Variants in LRRIQ1 observed in about 807,000 individuals in gnomAD.
LRRIQ1 encodes leucine rich repeats and IQ motif containing 1.
Under a neutral mutation model 211.9 loss-of-function variants are expected in LRRIQ1, and 210 were observed. That is an observed-to-expected ratio of 0.99 (90% CI 0.89 to 1.11). The LOEUF (loss-of-function observed/expected upper bound fraction) is 1.11, where lower values mean the gene tolerates loss of function less well. Ranked by LOEUF, LRRIQ1 falls within the 50% of genes most tolerant of loss-of-function variation. The probability of loss-of-function intolerance (pLI) is 0.00; values close to 1 mark genes in which losing one functional copy is unlikely to be tolerated. For synonymous variants in LRRIQ1, 699 were observed against 650.1 expected, an observed-to-expected ratio of 1.08 and a Z score of -1.14; for missense variants, 2,136 against 1,939.5, an observed-to-expected ratio of 1.10 and a Z score of -1.90.
intron 18 of LRRIQ1, among the ~76,000 whole-genome samples, chr12:85,132,610 A>G (rs140895522): frequency 0.011 from 1,740 of 152,190 alleles, 21 homozygotes; most frequent in South Asian, 0.028. Context: ...TCTATAAAAA[A>G]TACAAAAATT....
At chr12:85,113,954 C>A (rs1887380973) in intron 15 of LRRIQ1, among the ~76,000 whole-genome samples, 1 of 101,384 alleles carries the variant, frequency 9.9e-6, no homozygotes, top group Non-Finnish European at 2.0e-5. Context: ...TGTGAAAGGC[C>A]ACCTAAATGT....
At chr12:85,059,834 A>G (rs2136017300) in intron 8 of LRRIQ1, among the ~76,000 whole-genome samples, 1 of 152,080 alleles carries the variant, frequency 6.6e-6, no homozygotes, top group East Asian at 1.9e-4. Flanking sequence ...TATCCCATGT[A>G]TACATGTAAC....
chr12:85,038,348 T>G, intron 2 of LRRIQ1, 40 bp downstream of exon 2: 3 of 1,381,180 alleles, frequency 2.2e-6, no homozygotes, highest in Non-Finnish European at 2.8e-6. Flanking sequence ...AGGAGTAGGC[T>G]TTTCAGGAGA....
chr12:85,189,863 ATATT>A (rs1022955311), intron 24 of LRRIQ1, among the ~76,000 whole-genome samples: 3 of 144,822 alleles, frequency 2.1e-5, no homozygotes, highest in Non-Finnish European at 4.5e-5. Flanking sequence ...TATAATTTAT[ATATT>A]TATATAAGAT....
In LRRIQ1 at chr12:85,160,670, A is replaced by T. The variant is rs766067329; in HGVS notation, c.4778A>T (p.Lys1593Ile). 1.9e-6 allele frequency: 3 copies of T among 1,611,368 alleles called. No homozygotes were observed. The Admixed American group carries it at 5.0e-5, about 27-fold the overall frequency. ...AATGAAAATAAAGTGTCTCTTCCAA[A>T]ATCACCAAAGATGGTACAGCCCAGA... is the stretch of plus-strand genomic sequence containing the variant. ...KNNENKVSLP[K>I]SPKMVQPRRD... The change falls in exon 24 of 27, where the codon AAA becomes ATA. Residue 1593 changes from lysine (K) to isoleucine (I), a missense_variant. By Grantham distance (102) the Lys-to-Ile change is moderately radical (BLOSUM62 -3). Coordinates refer to ENST00000393217, the MANE Select transcript of LRRIQ1 (RefSeq NM_001079910.2).
intron 24 of LRRIQ1, among the ~76,000 whole-genome samples, chr12:85,183,008 G>A (rs1325632851): frequency 2.0e-5 from 3 of 152,124 alleles, no homozygotes; most frequent in African/African-American, 7.2e-5. Context: ...TCCAGTGCAC[G>A]CACTCCAGCT....
intron 15 of LRRIQ1, among the ~76,000 whole-genome samples, chr12:85,117,097 A>G (rs1887638320): frequency 6.6e-6 from 1 of 152,186 alleles, no homozygotes; most frequent in African/African-American, 2.4e-5. Context: ...TCATTTCGGA[A>G]ACACTGCCCT....
chr12:85,251,796 A>T (rs778519252), intron 1 of LRRIQ1, among the ~76,000 whole-genome samples: 4 of 149,986 alleles, frequency 2.7e-5, no homozygotes, highest in Non-Finnish European at 5.9e-5. Context: ...AAAAACAGAT[A>T]TAGAGGAGAT....
chr12:85,187,794 A>G (rs553657868), intron 24 of LRRIQ1, among the ~76,000 whole-genome samples: 1 of 149,418 alleles, frequency 6.7e-6, no homozygotes, highest in East Asian at 2.0e-4. Flanking sequence ...GGGCAACAAG[A>G]GCAAAACTTC....
In LRRIQ1 at chr12:85,254,015, G is replaced by A. The variant is rs193103259; in HGVS notation, c.122-8900G>A. 5.4e-3 allele frequency among the ~76,000 whole-genome samples: 823 copies of A among 152,106 alleles called. 30 individuals carry two copies. The highest frequency in any genetic ancestry group is 0.049 in the Admixed American group (749 of 15,220). ...AGGGGAGGATTACTCATGGTTTAGC[G>A]GCATCTCCCATGGTACCGTCCTTGC... is the stretch of plus-strand genomic sequence containing the variant. On this transcript the variant is annotated intron_variant, in intron 1 of 1. Coordinates refer to the LRRIQ1 transcript ENST00000602731.
At chr12:85,061,018 G>T (rs1049852744) in intron 8 of LRRIQ1, among the ~76,000 whole-genome samples, 1 of 151,806 alleles carries the variant, frequency 6.6e-6, no homozygotes, top group Non-Finnish European at 1.5e-5. Flanking sequence ...CTCAAGTCAT[G>T]AGAGTCTGAA....
chr12:85,229,441 T>G lies in LRRIQ1; in HGVS notation c.4823-76T>G. 2.5e-6 allele frequency: 3 copies of G among 1,217,366 alleles called. No individual in the cohort carries two copies. In the South Asian group the frequency reaches 5.2e-5, roughly 21 times the overall value. 75.4% of individuals were successfully genotyped at this position (1,217,366 alleles called of 1,614,324 possible). ...TTTTTTCTTTCTTGTGATAAAATGT[T>G]TAGCACAGATGGAACTGGTTGGCCA... On this transcript the variant is annotated intron_variant, in intron 24 of 26. Coordinates refer to ENST00000393217, the MANE Select transcript of LRRIQ1 (RefSeq NM_001079910.2).
At chr12:85,264,237 G>A (rs1896377189) in exon 2 of LRRIQ1, 1 of 152,004 alleles carries the variant, frequency 6.6e-6, no homozygotes, top group African/African-American at 2.4e-5. Context: ...GACTTCAGCT[G>A]TCAATCAATA....
intron 11 of LRRIQ1, among the ~76,000 whole-genome samples, chr12:85,075,477 C>T (rs1019739860): frequency 2.0e-5 from 3 of 151,858 alleles, no homozygotes; most frequent in African/African-American, 2.4e-5. Context: ...GCGAAGCTGG[C>T]GCAGGCAAGT....
Position 85,072,943 on chromosome 12 carries a change from A to G in LRRIQ1, c.2732A>G (p.Asn911Ser), listed in dbSNP as rs751844699. The change falls in exon 11 of 27, where the codon AAT (asparagine) becomes AGT (serine). Residue 911 changes from asparagine to serine, a missense_variant. By Grantham distance (46) the Asn-to-Ser change is conservative. Coordinates refer to ENST00000393217, the MANE Select transcript of LRRIQ1 (RefSeq NM_001079910.2). ...SFFLEEKLVD[N>S]AGFCHHLGTS... ...TTTCTGGAAGAAAAACTTGTTGACAATGCAGGGTTCTGCCATCACTTGGGC... is the reference window on the plus strand; with the variant it reads ...TTTCTGGAAGAAAAACTTGTTGACAGTGCAGGGTTCTGCCATCACTTGGGC... The G allele has an allele frequency of 1.5e-5, 24 of 1,611,542 alleles. No individual in the cohort carries two copies. The highest frequency in any genetic ancestry group is 4.5e-5 in the East Asian group (2 of 44,762).
intron 11 of LRRIQ1, among the ~76,000 whole-genome samples, chr12:85,090,331 T>C: frequency 6.6e-6 from 1 of 152,164 alleles, no homozygotes; most frequent in East Asian, 1.9e-4. Context: ...ACTGAGGCAC[T>C]ACCTAGTAGA....
intron 3 of LRRIQ1, among the ~76,000 whole-genome samples, chr12:85,043,236 G>A (rs1879112856): frequency 6.6e-6 from 1 of 152,060 alleles, no homozygotes; most frequent in South Asian, 2.1e-4. Flanking sequence ...CACCTGGACA[G>A]TTCTTGCTTG....
intron 15 of LRRIQ1, among the ~76,000 whole-genome samples, chr12:85,117,143 G>T (rs1887641164): frequency 6.6e-6 from 1 of 152,172 alleles, no homozygotes; most frequent in South Asian, 2.1e-4. Context: ...ATCTAGCCTT[G>T]AATTTCTTTC....
intron 3 of LRRIQ1, among the ~76,000 whole-genome samples, chr12:85,042,477 A>G (rs1879009662): frequency 6.7e-6 from 1 of 148,170 alleles, no homozygotes; most frequent in African/African-American, 2.4e-5. Context: ...AAATTATTAA[A>G]TTTATTATCA....
Sources: gnomAD v4.1 joint callset for allele counts (sites outside exome capture counted in the v4.1 genomes callset) on GRCh38, gnomAD v4.1.1 for gene constraint, MANE v1.5 for transcripts, NCBI Gene and HGNC (gene_info 2026-07-23, HGNC 2026-07-21) for gene names.